LRGUK: variants seen among roughly 807,000 people sequenced by gnomAD.
LRGUK encodes leucine rich repeats and guanylate kinase domain containing.
Under a neutral mutation model 76.0 loss-of-function variants are expected in LRGUK, and 65 were observed. The ratio of observed to expected loss-of-function variants is 0.85; its 90% confidence interval spans 0.70 to 1.05. The LOEUF is 1.05. Ranked by LOEUF, LRGUK falls within the 50% of genes least tolerant of loss-of-function variation. The pLI is 0.00. For missense variants in LRGUK, 758 were observed against 732.8 expected, an observed-to-expected ratio of 1.03 and a Z score of -0.40; for synonymous variants, 268 against 265.6, an observed-to-expected ratio of 1.01 and a Z score of -0.09.
At chr7:134,148,309 A>C in exon 5 of LRGUK, 3 of 1,581,864 alleles carry the variant, frequency 1.9e-6, no homozygotes, top group Non-Finnish European at 2.6e-6. Context: ...TCACTAAACT[A>C]ATTTTGGATG....
intron 15 of LRGUK, among the ~76,000 whole-genome samples, chr7:134,218,400 T>A (rs1801492324): frequency 6.6e-6 from 1 of 152,220 alleles, no homozygotes; most frequent in African/African-American, 2.4e-5. Context: ...CAAGGTTTTA[T>A]TTAAATGTCA....
intron 16 of LRGUK, among the ~76,000 whole-genome samples, chr7:134,245,122 A>G (rs938431208): frequency 6.6e-6 from 1 of 152,230 alleles, no homozygotes; most frequent in Non-Finnish European, 1.5e-5. Context: ...CCAACATGGC[A>G]CATGTATACA....
chr7:134,148,944 A>C (rs1295745283), intron 5 of LRGUK, among the ~76,000 whole-genome samples: 1 of 152,040 alleles, frequency 6.6e-6, no homozygotes, highest in African/African-American at 2.4e-5. Flanking sequence ...TCCTTTCTTC[A>C]AATTTGCTGA....
At chr7:134,130,149 A>G (rs895634302) in intron 1 of LRGUK, among the ~76,000 whole-genome samples, 1 of 152,160 alleles carries the variant, frequency 6.6e-6, no homozygotes, top group African/African-American at 2.4e-5. Flanking sequence ...AGTTGACCAT[A>G]GAAAGCTATT....
intron 12 of LRGUK, 139 bp from the exon 13 acceptor site, chr7:134,196,853 C>A: frequency 2.1e-6 from 1 of 482,300 alleles, no homozygotes; most frequent in Non-Finnish European, 3.7e-6. Flanking sequence ...TTTCATTTAC[C>A]CCATTGTCAT....
chr7:134,186,991 T>A (rs1234029991), intron 11 of LRGUK, among the ~76,000 whole-genome samples: 2 of 152,192 alleles, frequency 1.3e-5, no homozygotes, highest in Non-Finnish European at 2.9e-5. Context: ...ACCATCCAAC[T>A]GTTCACTGTC....
chr7:134,264,311 G>GA (rs1420510259), exon 20 of LRGUK: 1 of 189,344 alleles, frequency 5.3e-6, no homozygotes, highest in South Asian at 1.8e-4. Context: ...ATATCAGATG[G>GA]AAAAATCTCC....
chr7:134,199,462 A>G (rs776946160), intron 14 of LRGUK, 41 bp downstream of exon 14: 3 of 1,531,524 alleles, frequency 2.0e-6, no homozygotes, highest in Non-Finnish European at 1.8e-6. Context: ...GAAATGTAAG[A>G]TTACTGAATT....
At chr7:134,175,233 T>G (rs1483327056) in intron 8 of LRGUK, among the ~76,000 whole-genome samples, 3 of 152,164 alleles carry the variant, frequency 2.0e-5, no homozygotes, top group Non-Finnish European at 2.9e-5. Context: ...TTTCTCCCGG[T>G]CTCCTCCCCT....
chr7:134,248,435 T>C (rs1802364186), intron 17 of LRGUK, among the ~76,000 whole-genome samples: 2 of 152,202 alleles, frequency 1.3e-5, no homozygotes, highest in Admixed American at 1.3e-4. Context: ...AAATGGCTAA[T>C]GATTCTTTTT....
intron 16 of LRGUK, among the ~76,000 whole-genome samples, chr7:134,229,839 A>T (rs1284924986): frequency 2.0e-5 from 3 of 152,216 alleles, no homozygotes; most frequent in African/African-American, 7.2e-5. Flanking sequence ...AATTAGATAT[A>T]AATAGGAACA....
intron 7 of LRGUK, among the ~76,000 whole-genome samples, chr7:134,174,119 A>C (rs1419926227): frequency 6.6e-6 from 1 of 151,880 alleles, no homozygotes; most frequent in Non-Finnish European, 1.5e-5. Flanking sequence ...AAAAAAAAAA[A>C]AAAGGCTTTA....
At chr7:134,132,860 A>T (rs1165947104) in intron 1 of LRGUK, among the ~76,000 whole-genome samples, 2 of 152,224 alleles carry the variant, frequency 1.3e-5, no homozygotes, top group African/African-American at 2.4e-5. Flanking sequence ...TTAACATCTG[A>T]GAGCTTCCGT....
intron 11 of LRGUK, among the ~76,000 whole-genome samples, chr7:134,188,151 C>T (rs1563170382): frequency 6.6e-6 from 1 of 152,150 alleles, no homozygotes; most frequent in Non-Finnish European, 1.5e-5. Flanking sequence ...CTCCTGGCAG[C>T]TTACAAAGTA....
intron 18 of LRGUK, among the ~76,000 whole-genome samples, chr7:134,257,294 A>G (rs1802608781): frequency 1.3e-5 from 2 of 152,180 alleles, no homozygotes; most frequent in Admixed American, 6.5e-5. Context: ...AATGACAGCA[A>G]ATATGGTGGG....
chr7:134,143,144 G>A, exon 4 of LRGUK: 1 of 1,605,748 alleles, frequency 6.2e-7, no homozygotes, highest in Non-Finnish European at 8.5e-7. Flanking sequence ...TCAATTTCAA[G>A]CCACCCAAAA....
At chr7:134,136,906 T>G in intron 1 of LRGUK, 117 bp from the exon 2 acceptor site, 1 of 794,550 alleles carries the variant, frequency 1.3e-6, no homozygotes, top group South Asian at 1.9e-5. Context: ...TGGTAAATTT[T>G]GGAGAGCTCA....
intron 4 of LRGUK, among the ~76,000 whole-genome samples, chr7:134,145,316 C>T (rs60830491): frequency 1.3e-5 from 2 of 151,924 alleles, no homozygotes; most frequent in African/African-American, 2.4e-5. Flanking sequence ...AGCAAGATCT[C>T]GGCTCACCGC....
chr7:134,235,463 C>T (rs779576513), intron 16 of LRGUK, among the ~76,000 whole-genome samples: 3 of 152,346 alleles, frequency 2.0e-5, no homozygotes, highest in South Asian at 2.1e-4. Context: ...TGCCCTGAAA[C>T]CCTAATTTAT....
Sources: allele counts gnomAD v4.1 joint callset (sites outside exome capture counted in the v4.1 genomes callset), GRCh38; gene constraint gnomAD v4.1.1; transcripts MANE v1.5; gene names NCBI Gene and HGNC (gene_info 2026-07-23, HGNC 2026-07-21).